PSMD5: variants seen among roughly 807,000 people sequenced by gnomAD.
PSMD5 encodes proteasome 26S subunit, non-ATPase 5.
Under a neutral mutation model 52.1 loss-of-function variants are expected in PSMD5, and 40 were observed. The observed-to-expected ratio is 0.77, with a 90% CI of 0.60 to 1.00. The LOEUF (loss-of-function observed/expected upper bound fraction) is 1.00, where lower values mean the gene tolerates loss of function less well. Among genes scored for constraint, PSMD5 ranks in the 50% least tolerant of loss-of-function variants. The pLI is 0.00. For missense variants in PSMD5, 575 were observed against 605.2 expected (o/e 0.95, Z 0.52); for synonymous variants, 211 against 226.6 (o/e 0.93, Z 0.62).
At position 120,831,933 on chromosome 9, in the gene PSMD5, CA is replaced by C; in HGVS notation, c.330del (p.Ile110MetfsTer12). ...KILTLSQIGR[I>X]VENSDAVTEI... Reference sequence around the variant, plus strand: ...TCAGTAACAGCATCAGAATTTTCAACAATTCTTCCAATCTGAAAGAAAAACA... The same window carrying C: ...TCAGTAACAGCATCAGAATTTTCAACATTCTTCCAATCTGAAAGAAAAACA... On this transcript the variant is annotated frameshift_variant, in exon 3 of 10. Transcript: ENST00000210313. LOFTEE classifies it high-confidence loss of function. The C allele has an allele frequency of 6.2e-7, 1 of 1,612,122 alleles. No homozygotes were observed. The highest frequency in any genetic ancestry group is 1.3e-5 in the African/African-American group (1 of 74,978).
intron 1 of PSMD5, among the ~76,000 whole-genome samples, chr9:120,834,699 T>G (rs2045186819): frequency 6.6e-6 from 1 of 152,264 alleles, no homozygotes; most frequent in South Asian, 2.1e-4. Context: ...GCTTGGAATT[T>G]AGACTTCTTC....
chr9:120,822,777 T>C (rs1321992571), intron 7 of PSMD5, among the ~76,000 whole-genome samples: 1 of 152,172 alleles, frequency 6.6e-6, no homozygotes, highest in African/African-American at 2.4e-5. Context: ...TCTACCCACC[T>C]TGGCCTCCCA....
At position 120,826,853 on chromosome 9, in the gene PSMD5, T is replaced by C. The variant is rs531083204; in HGVS notation, c.726A>G (p.Gln242=). The C allele has an allele frequency of 2.8e-4, 458 of 1,613,590 alleles. 7 individuals carry two copies. The South Asian group carries it at 4.5e-3, about 16-fold the overall frequency. ...TSLAYTHHGR[Q]YLAQEGVIDQ... ...CAATTACTCCTTCTTGAGCAAGATA[T>C]TGTCGCCCATGATGAGTATATGCCA... Residue 242 remains glutamine (Q), a synonymous_variant, in exon 6 of 10, where the codon CAA becomes CAG. Transcript: ENST00000210313.
chr9:120,820,620 A>T (rs545764452), intron 9 of PSMD5, among the ~76,000 whole-genome samples: 1 of 152,240 alleles, frequency 6.6e-6, no homozygotes, highest in African/African-American at 2.4e-5. Context: ...GTGTGATCCC[A>T]TAGCATCCTG....
intron 4 of PSMD5, among the ~76,000 whole-genome samples, chr9:120,830,237 A>G (rs923783607): frequency 2.6e-5 from 4 of 152,122 alleles, no homozygotes; most frequent in African/African-American, 7.2e-5. Flanking sequence ...TTGTTGTCTT[A>G]TTTTTTATTA....
Position 120,835,358 on chromosome 9 carries a change from G to A in PSMD5, c.174-1902C>T, listed in dbSNP as rs564847365. 6.6e-5 allele frequency among the ~76,000 whole-genome samples: 10 copies of A among 152,192 alleles called. No individual in the cohort carries two copies. In the South Asian group the frequency reaches 2.1e-3, roughly 32 times the overall value. Reference sequence around the variant, plus strand: ...TAAAATATTATGCTAAGTGAAATAAGCCAGACACAAAAGGCTTCCTTTTGA... The same window carrying A: ...TAAAATATTATGCTAAGTGAAATAAACCAGACACAAAAGGCTTCCTTTTGA... On this transcript the variant is annotated intron_variant, in intron 1 of 9. Coordinates refer to ENST00000210313, the MANE Select transcript of PSMD5 (RefSeq NM_005047.4).
Position 120,831,378 on chromosome 9 carries a change from T to G in PSMD5, c.514A>C (p.Lys172Gln), listed in dbSNP as rs2045158615. Residue 172 changes from lysine (K) to glutamine (Q), a missense_variant, in exon 4 of 10, where the codon AAA becomes CAA. Coordinates refer to ENST00000210313, the MANE Select transcript of PSMD5 (RefSeq NM_005047.4). ...ATGTCATTTGTTTTCATTACACTTT[T>G]CAAATCATCCAGCAGATTGCTTTCA... ...LFESNLLDDL[K>Q]SVMKTNDIVR... 1 of 1,613,148 alleles carries G rather than the reference T, an allele frequency of 6.2e-7. No homozygotes were observed. The highest frequency in any genetic ancestry group is 8.5e-7 in the Non-Finnish European group (1 of 1,179,770).
At chr9:120,822,559 AT>A (rs1383603351) in intron 7 of PSMD5, among the ~76,000 whole-genome samples, 1 of 151,982 alleles carries the variant, frequency 6.6e-6, no homozygotes, top group Non-Finnish European at 1.5e-5. Context: ...TCTAATTTTT[AT>A]TTTTTTGAGA....
chr9:120,840,995 G>A (rs1388572958), intron 1 of PSMD5, among the ~76,000 whole-genome samples: 1 of 149,362 alleles, frequency 6.7e-6, no homozygotes, highest in African/African-American at 2.5e-5. Context: ...CTGGTGATCT[G>A]CCCGCCTCAG....
chr9:120,833,478 T>C, intron 1 of PSMD5, 22 bp from the exon 2 acceptor site: 1 of 1,606,668 alleles, frequency 6.2e-7, no homozygotes, highest in Non-Finnish European at 8.5e-7. Flanking sequence ...ATCATAAATC[T>C]TATTAGTTCA....
chr9:120,832,335 A>C (rs1370285582), intron 2 of PSMD5, among the ~76,000 whole-genome samples: 2 of 151,798 alleles, frequency 1.3e-5, no homozygotes, highest in African/African-American at 2.4e-5. Context: ...CACCTGCTAC[A>C]GTGTCTGGCA....
At chr9:120,824,357 G>T in intron 7 of PSMD5, 137 bp downstream of exon 7, 2 of 804,904 alleles carry the variant, frequency 2.5e-6, no homozygotes, top group Non-Finnish European at 4.3e-6. Flanking sequence ...TCAGACATGA[G>T]TACAAGGTCA....
At chr9:120,821,032 G>T (rs989235846) in intron 8 of PSMD5, 53 bp from the exon 9 acceptor site, 1 of 1,514,742 alleles carries the variant, frequency 6.6e-7, no homozygotes, top group African/African-American at 1.4e-5. Context: ...CTGGAGAAAA[G>T]CACTTATTTA....
At chr9:120,820,182 G>A (rs2045073646) in intron 9 of PSMD5, among the ~76,000 whole-genome samples, 1 of 152,136 alleles carries the variant, frequency 6.6e-6, no homozygotes, top group African/African-American at 2.4e-5. Context: ...ATAAGTAACT[G>A]TACAATTATA....
chr9:120,824,303 CA>C (rs35903891), intron 7 of PSMD5, 190 bp downstream of exon 7: 138,713 of 441,996 alleles, frequency 0.31, 968 homozygotes, highest in Middle Eastern at 0.36. Context: ...AGTGAAAAGT[CA>C]AAAAAAAAAA....
At chr9:120,826,621 C>A (rs910092112) in intron 6 of PSMD5, 144 bp downstream of exon 6, 2 of 1,058,696 alleles carry the variant, frequency 1.9e-6, no homozygotes, top group African/African-American at 3.2e-5. Context: ...CTCTAGATAT[C>A]TTCTAAACGA....
In PSMD5 at chr9:120,818,103, A is replaced by G. The variant is rs372637303; in HGVS notation, c.1318T>C (p.Tyr440His). 35 of 1,614,070 alleles carry G rather than the reference A, an allele frequency of 2.2e-5. No individual in the cohort carries two copies. Among genetic ancestry groups the G allele is most frequent in the Non-Finnish European group, 2.8e-5 (33 of 1,180,016 alleles). ...TGCTCCACAGACCGGTCCACCACAT[A>G]TTCTACAAAACCTGGACTGTTAAAC... ...LMFNSPGFVEYVVDRSVEHDK... is the reference protein window; with the variant it reads ...LMFNSPGFVEHVVDRSVEHDK... The change falls in exon 10 of 10, where the codon TAT (tyrosine) becomes CAT (histidine). Residue 440 changes from tyrosine (Y) to histidine (H), a missense_variant. By Grantham distance (83) the Tyr-to-His change is moderately conservative. Coordinates refer to ENST00000210313, the MANE Select transcript of PSMD5 (RefSeq NM_005047.4).
chr9:120,841,557 A>G (rs1003113674), intron 1 of PSMD5, among the ~76,000 whole-genome samples: 1 of 152,052 alleles, frequency 6.6e-6, no homozygotes, highest in African/African-American at 2.4e-5. Flanking sequence ...CCAACCTGGG[A>G]GACAGAGCGA....
intron 9 of PSMD5, among the ~76,000 whole-genome samples, chr9:120,818,958 G>A (rs2045064555): frequency 6.6e-6 from 1 of 152,116 alleles, no homozygotes; most frequent in South Asian, 2.1e-4. Flanking sequence ...ACAGAGGAAG[G>A]GGAATAGGAC....
Sources: gnomAD v4.1 joint callset for allele counts (sites outside exome capture counted in the v4.1 genomes callset) on GRCh38, gnomAD v4.1.1 for gene constraint, MANE v1.5 for transcripts, NCBI Gene and HGNC (gene_info 2026-07-23, HGNC 2026-07-21) for gene names.